ADGRL2: variants seen among roughly 807,000 people sequenced by gnomAD.
ADGRL2 encodes calcium-independent alpha-latrotoxin receptor 2.
A neutral mutation model predicts 157.4 loss-of-function variants in ADGRL2; 44 were observed. The ratio of observed to expected loss-of-function variants is 0.28; its 90% CI spans 0.22 to 0.36. ADGRL2 has a LOEUF of 0.36. Ranked by LOEUF, ADGRL2 falls within the 10% of genes least tolerant of loss-of-function variation. ADGRL2 has a pLI of 1.00. For missense variants in ADGRL2, 1,510 were observed against 1,768.9 expected (o/e 0.85, Z 2.63); for synonymous variants, 585 against 624.7 (o/e 0.94, Z 0.95).
chr1:81,791,818 T>C (rs2087362803), intron 2 of ADGRL2, among the ~76,000 whole-genome samples: 1 of 152,198 alleles, frequency 6.6e-6, no homozygotes, highest in African/African-American at 2.4e-5. Context: ...ATTATTTTTC[T>C]GAGTAAAAGT....
At chr1:81,523,002 G>A (rs909162045) in intron 2 of ADGRL2, among the ~76,000 whole-genome samples, 1 of 151,946 alleles carries the variant, frequency 6.6e-6, no homozygotes, top group Non-Finnish European at 1.5e-5. Flanking sequence ...AGTGGTTGAG[G>A]CTACAATTAA....
intron 1 of ADGRL2, among the ~76,000 whole-genome samples, chr1:81,702,674 A>G (rs921125261): frequency 6.6e-6 from 1 of 152,236 alleles, no homozygotes; most frequent in African/African-American, 2.4e-5. Flanking sequence ...TTTCCAAAAT[A>G]TGTATGAATT....
chr1:81,429,865 G>A (rs1557682908), intron 1 of ADGRL2, among the ~76,000 whole-genome samples: 1 of 152,022 alleles, frequency 6.6e-6, no homozygotes, highest in Non-Finnish European at 1.5e-5. Context: ...TTATATTGTT[G>A]TTTTTTGTTT....
chr1:81,829,234 AAC>A (rs1464705949), intron 1 of ADGRL2, among the ~76,000 whole-genome samples: 1 of 152,194 alleles, frequency 6.6e-6, no homozygotes, highest in Admixed American at 6.5e-5. Flanking sequence ...AGCTACACCA[AAC>A]ACAGAGTTTC....
chr1:81,992,910 T>A lies in ADGRL2; in HGVS notation c.*1765T>A, dbSNP rs940097732. 6.6e-6 allele frequency among the ~76,000 whole-genome samples: 1 copy of A among 151,182 alleles called. No individual in the cohort carries two copies. The highest frequency in any genetic ancestry group is 2.4e-5 in the African/African-American group (1 of 41,206). Reference sequence around the variant, plus strand: ...TGTTTTCTGTTTGTATCATAAGCATTTATAGAAAATTATTCTAAAGCTTAA... The same window carrying A: ...TGTTTTCTGTTTGTATCATAAGCATATATAGAAAATTATTCTAAAGCTTAA... On this transcript the variant is annotated 3_prime_UTR_variant, in exon 24 of 24. Coordinates refer to ENST00000686636, the MANE Select transcript of ADGRL2 (RefSeq NM_001366006.2).
chr1:81,521,112 A>G (rs536554397), intron 2 of ADGRL2, among the ~76,000 whole-genome samples: 46 of 152,330 alleles, frequency 3.0e-4, no homozygotes, highest in African/African-American at 1.1e-3. Context: ...AAGGTCATGT[A>G]CTCAGCTAAA....
At chr1:81,859,414 T>C (rs560922544) in intron 2 of ADGRL2, among the ~76,000 whole-genome samples, 29 of 150,722 alleles carry the variant, frequency 1.9e-4, no homozygotes, top group African/African-American at 6.6e-4. Flanking sequence ...ACCTTTTTTT[T>C]TTTTTTTTTT....
intron 2 of ADGRL2, among the ~76,000 whole-genome samples, chr1:81,476,011 G>C (rs775634991): frequency 6.6e-6 from 1 of 152,178 alleles, no homozygotes; most frequent in Non-Finnish European, 1.5e-5. Context: ...AGAGGAAGCA[G>C]TGCTTCCATA....
intron 2 of ADGRL2, among the ~76,000 whole-genome samples, chr1:81,449,575 G>C (rs2077668039): frequency 6.6e-6 from 1 of 152,084 alleles, no homozygotes; most frequent in Non-Finnish European, 1.5e-5. Context: ...AATTACAACA[G>C]TTGAATTATG....
intron 2 of ADGRL2, chr1:81,514,802 C>T (rs983516167): frequency 1.3e-5 from 2 of 152,122 alleles, no homozygotes; most frequent in Admixed American, 6.5e-5. Context: ...AATTCTGCAT[C>T]GGGCATTAAA....
At chr1:81,475,107 A>G (rs2078245641) in intron 2 of ADGRL2, among the ~76,000 whole-genome samples, 1 of 152,186 alleles carries the variant, frequency 6.6e-6, no homozygotes, top group Non-Finnish European at 1.5e-5. Flanking sequence ...GAGCTCATTG[A>G]CATCAATTGT....
At chr1:81,412,539 A>C (rs2076964115) in intron 1 of ADGRL2, among the ~76,000 whole-genome samples, 1 of 152,182 alleles carries the variant, frequency 6.6e-6, no homozygotes, top group African/African-American at 2.4e-5. Flanking sequence ...ATAGTGTAGT[A>C]ATGATATATT....
At chr1:81,749,446 C>T (rs2085417974) in intron 1 of ADGRL2, among the ~76,000 whole-genome samples, 1 of 152,126 alleles carries the variant, frequency 6.6e-6, no homozygotes, top group African/African-American at 2.4e-5. Context: ...CATTTTCCTT[C>T]CCAGTACCAT....
chr1:81,828,405 ATG>A (rs2091677971), intron 1 of ADGRL2, among the ~76,000 whole-genome samples: 1 of 152,108 alleles, frequency 6.6e-6, no homozygotes, highest in African/African-American at 2.4e-5. Context: ...ATCATTGGAA[ATG>A]TTTTTTTTTA....
chr1:81,615,239 G>A (rs915418458), intron 3 of ADGRL2, among the ~76,000 whole-genome samples: 1 of 152,144 alleles, frequency 6.6e-6, no homozygotes, highest in African/African-American at 2.4e-5. Flanking sequence ...TCAGCACTCT[G>A]TAAAACGGAC....
intron 3 of ADGRL2, among the ~76,000 whole-genome samples, chr1:81,630,463 A>C (rs1296040897): frequency 6.6e-6 from 1 of 152,248 alleles, no homozygotes; most frequent in African/African-American, 2.4e-5. Flanking sequence ...AGTTTACTAG[A>C]TCAAAGTCCA....
At chr1:81,625,611 C>T (rs922972429) in intron 3 of ADGRL2, 59 of 152,092 alleles carry the variant, frequency 3.9e-4, no homozygotes, top group African/African-American at 1.4e-3. Context: ...AGAGTTGAGC[C>T]TCATTTTATT....
At chr1:81,990,263 C>G (rs1664326615) in intron 23 of ADGRL2, 128 bp from the exon 24 acceptor site, 1 of 1,498,614 alleles carries the variant, frequency 6.7e-7, no homozygotes, top group African/African-American at 1.4e-5. Flanking sequence ...AAGCCTGGCA[C>G]TTTTCAAGTG....
At chr1:81,990,060 A>G in intron 23 of ADGRL2, 1 of 983,484 alleles carries the variant, frequency 1.0e-6, no homozygotes, top group Non-Finnish European at 1.2e-6. Flanking sequence ...CTTTGCATTA[A>G]CTATGCAAGG....
Sources: gnomAD v4.1 joint callset for allele counts (sites outside exome capture counted in the v4.1 genomes callset) on GRCh38, gnomAD v4.1.1 for gene constraint, MANE v1.5 for transcripts, NCBI Gene and HGNC (gene_info 2026-07-23, HGNC 2026-07-21) for gene names.